DYNLL1: variants seen among roughly 807,000 people sequenced by gnomAD.
DYNLL1 encodes the protein dynein light chain LC8-type 1, also known as dynein light chain 1, cytoplasmic.
Under a neutral mutation model 10.1 loss-of-function variants are expected in DYNLL1, and 3 were observed. The ratio of observed to expected loss-of-function variants is 0.30; its 90% CI spans 0.14 to 0.77. DYNLL1 has a LOEUF of 0.77. DYNLL1 is among the 30% of genes least tolerant of loss of function. DYNLL1 has a pLI of 0.66. For missense variants in DYNLL1, 47 were observed against 111.7 expected (o/e 0.42, Z 2.61); for synonymous variants, 46 against 41.2 (o/e 1.12, Z -0.45).
chr12:120,496,133 A>C lies in DYNLL1; in HGVS notation c.-90A>C. On this transcript the variant is annotated 5_prime_UTR_variant, in exon 1 of 3. Coordinates refer to ENST00000242577, the MANE Select transcript of DYNLL1 (RefSeq NM_003746.3). ...TGCTTAGATGCGCCACGGTTTCGGTAGCGACGGTATCTCTAGCCGGGCCTG... is the reference window on the plus strand; with the variant it reads ...TGCTTAGATGCGCCACGGTTTCGGTCGCGACGGTATCTCTAGCCGGGCCTG... The C allele has an allele frequency of 4.0e-6, 2 of 505,502 alleles. No individual in the cohort carries two copies. Among genetic ancestry groups the C allele is most frequent in the Non-Finnish European group, 7.1e-6 (2 of 281,832 alleles). The allele number at this position is 505,502 out of a possible 1,614,324, so 31.3% of individuals were successfully genotyped here.
chr12:120,498,101 G>A lies in DYNLL1; in HGVS notation c.161G>A (p.Trp54Ter). ...KEFDKKYNPT[W>*]HCIVGRNFGS... ...TTTGACAAGAAGTACAATCCCACCT[G>A]GCATTGCATCGTGGGGAGGAACTTC... The change falls in exon 3 of 3, where the codon TGG (tryptophan) becomes TAG (stop). Residue 54 changes from tryptophan (W) to a stop codon, truncating the protein, a stop_gained. Transcript: ENST00000242577. LOFTEE classifies it high-confidence loss of function. 1 of 1,614,030 alleles carries A rather than the reference G, an allele frequency of 6.2e-7. No individual in the cohort carries two copies. The highest frequency in any genetic ancestry group is 8.5e-7 in the Non-Finnish European group (1 of 1,179,968).
intron 1 of DYNLL1, among the ~76,000 whole-genome samples, chr12:120,489,186 A>G (rs76735181): frequency 0.029 from 4,423 of 152,272 alleles, 221 homozygotes; most frequent in African/African-American, 0.1. Flanking sequence ...ATCCAGTCCC[A>G]TTGCTTTAAA....
chr12:120,485,792 G>A (rs1012007409), intron 1 of DYNLL1, among the ~76,000 whole-genome samples: 4 of 138,156 alleles, frequency 2.9e-5, no homozygotes, highest in Admixed American at 2.5e-4. Flanking sequence ...AGTGAGGTAC[G>A]ATCGCACCAC....
At chr12:120,483,090 A>AGCAC (rs1448078426) in intron 1 of DYNLL1, among the ~76,000 whole-genome samples, 1 of 152,078 alleles carries the variant, frequency 6.6e-6, no homozygotes, top group East Asian at 1.9e-4. Context: ...CTGTAATCCC[A>AGCAC]GCACTTTGGG....
chr12:120,496,224 A>T lies in DYNLL1; in HGVS notation c.-7+8A>T, dbSNP rs1868390011. On this transcript the variant is annotated splice_region_variant and intron_variant, in intron 1 of 2. Coordinates refer to ENST00000242577, the MANE Select transcript of DYNLL1 (RefSeq NM_003746.3). ...CCAGCCCCCTTCTCCACGGTGAGAA[A>T]CTCGGGGGGCCAGGGGGTGTCCTCG... 1 of 773,092 alleles carries T rather than the reference A, an allele frequency of 1.3e-6. No homozygotes were observed. The highest frequency in any genetic ancestry group is 2.1e-6 in the Non-Finnish European group (1 of 486,262). The allele number at this position is 773,092 out of a possible 1,614,324, so 47.9% of individuals were successfully genotyped here.
chr12:120,496,767 C>T, intron 2 of DYNLL1: 2 of 671,268 alleles, frequency 3.0e-6, no homozygotes, highest in Non-Finnish European at 5.0e-6. Context: ...TTTTAATTAC[C>T]CAGCTCCGCG....
At chr12:120,478,017 CTT>C (rs1356693102) in intron 1 of DYNLL1, among the ~76,000 whole-genome samples, 1 of 151,806 alleles carries the variant, frequency 6.6e-6, no homozygotes, top group African/African-American at 2.4e-5. Flanking sequence ...GTTTCAAACT[CTT>C]AGCCTCAGGT....
intron 1 of DYNLL1, among the ~76,000 whole-genome samples, chr12:120,486,581 C>T (rs573828450): frequency 6.6e-5 from 10 of 151,832 alleles, no homozygotes; most frequent in South Asian, 2.1e-4. Flanking sequence ...CAATCCTCCC[C>T]GCTGTAGCCT....
upstream of DYNLL1, among the ~76,000 whole-genome samples, chr12:120,493,108 A>G (rs145715425): frequency 6.6e-6 from 1 of 152,346 alleles, no homozygotes; most frequent in Admixed American, 6.5e-5. Context: ...TATCACTCAT[A>G]GTGTCTGAGA....
chr12:120,480,268 T>C (rs1878852798), intron 1 of DYNLL1, among the ~76,000 whole-genome samples: 1 of 152,234 alleles, frequency 6.6e-6, no homozygotes, highest in Non-Finnish European at 1.5e-5. Flanking sequence ...ACAGTTCTAG[T>C]TCTGAATACT....
upstream of DYNLL1, chr12:120,493,990 T>G (rs1879203165): frequency 6.6e-6 from 1 of 151,956 alleles, no homozygotes; most frequent in African/African-American, 2.4e-5. Context: ...AAAAATTAAA[T>G]AAATAATAAC....
chr12:120,477,607 A>T (rs1878784198), intron 1 of DYNLL1, among the ~76,000 whole-genome samples: 2 of 151,652 alleles, frequency 1.3e-5, no homozygotes, highest in African/African-American at 4.8e-5. Flanking sequence ...AATAAATAAA[A>T]ATAAATAAAT....
chr12:120,486,011 G>T (rs186872031), intron 1 of DYNLL1, among the ~76,000 whole-genome samples: 73 of 152,172 alleles, frequency 4.8e-4, no homozygotes, highest in Admixed American at 2.9e-3. Flanking sequence ...CTACTACCAT[G>T]TGCATTTATT....
chr12:120,472,150 CATAT>C (rs932345276), intron 1 of DYNLL1, among the ~76,000 whole-genome samples: 11 of 151,284 alleles, frequency 7.3e-5, no homozygotes, highest in Non-Finnish European at 1.5e-4. Context: ...AATGTATACA[CATAT>C]ATAGTGTATT....
chr12:120,474,533 T>C (rs901131257), intron 1 of DYNLL1, among the ~76,000 whole-genome samples: 2 of 151,830 alleles, frequency 1.3e-5, no homozygotes, highest in Non-Finnish European at 2.9e-5. Context: ...TTAAAGAACT[T>C]ATCCATATAA....
chr12:120,482,974 G>A (rs926758550), intron 1 of DYNLL1, among the ~76,000 whole-genome samples: 10 of 152,094 alleles, frequency 6.6e-5, no homozygotes, highest in African/African-American at 2.2e-4. Flanking sequence ...CCAGCTACTC[G>A]AGAGGCTGAC....
chr12:120,484,190 A>C (rs1314863770), intron 1 of DYNLL1, among the ~76,000 whole-genome samples: 1 of 152,132 alleles, frequency 6.6e-6, no homozygotes, highest in Non-Finnish European at 1.5e-5. Flanking sequence ...GGAATAATCC[A>C]GTAGACAGGG....
intron 1 of DYNLL1, among the ~76,000 whole-genome samples, chr12:120,483,839 C>A (rs1878936747): frequency 6.6e-6 from 1 of 151,990 alleles, no homozygotes; most frequent in Non-Finnish European, 1.5e-5. Flanking sequence ...AACAGAGGAG[C>A]CTGAGGTGGA....
At chr12:120,483,781 G>A (rs188391799) in intron 1 of DYNLL1, among the ~76,000 whole-genome samples, 1 of 152,250 alleles carries the variant, frequency 6.6e-6, no homozygotes, top group African/African-American at 2.4e-5. Flanking sequence ...CAATAGAGAA[G>A]GCCTGGTTCA....
Sources: gnomAD v4.1 joint callset for allele counts (sites outside exome capture counted in the v4.1 genomes callset) on GRCh38, gnomAD v4.1.1 for gene constraint, MANE v1.5 for transcripts, NCBI Gene and HGNC (gene_info 2026-07-23, HGNC 2026-07-21) for gene names.